PLS1: variants seen among roughly 807,000 people sequenced by gnomAD.
PLS1 encodes plastin-1.
Under a neutral mutation model 73.7 loss-of-function variants are expected in PLS1, and 32 were observed. The ratio of observed to expected loss-of-function variants is 0.43; its 90% CI spans 0.33 to 0.58. The LOEUF is 0.58. PLS1 is among the 20% of genes least tolerant of loss of function. The pLI, the probability that PLS1 is intolerant of heterozygous loss-of-function variation, is 0.04. For synonymous variants in PLS1, 217 were observed against 261.3 expected, an observed-to-expected ratio of 0.83 and a Z score of 1.63; for missense variants, 633 against 740.5, an observed-to-expected ratio of 0.85 and a Z score of 1.68.
intron 9 of PLS1, 104 bp downstream of exon 9, chr3:142,686,480 T>C (rs1412428241): frequency 5.4e-6 from 4 of 739,778 alleles, no homozygotes; most frequent in Non-Finnish European, 9.7e-6. Flanking sequence ...ATTCAGTACA[T>C]TTGCATTGTT....
In PLS1 at chr3:142,694,530, C is replaced by T. The variant is rs1320197496; in HGVS notation, c.1239C>T (p.Tyr413=). 13 of 1,587,432 alleles carry T rather than the reference C, an allele frequency of 8.2e-6. No homozygotes were observed. The Admixed American group carries it at 1.7e-4, about 20-fold the overall frequency. Residue 413 remains tyrosine, a synonymous_variant, in exon 11 of 16, where the codon TAC becomes TAT. Coordinates refer to ENST00000457734, the MANE Select transcript of PLS1 (RefSeq NM_001145319.2). ...NWMNSLGVNP[Y]INHLYSDLAD... is the part of the protein sequence containing the mutation. ...TGAATTCCTTGGGAGTCAACCCATA[C>T]ATTAATCATTTGTACAGGTAAATAT...
chr3:142,598,363 T>C (rs2035849420), intron 1 of PLS1, among the ~76,000 whole-genome samples: 1 of 152,134 alleles, frequency 6.6e-6, no homozygotes, highest in Non-Finnish European at 1.5e-5. Flanking sequence ...ATGTATAGTT[T>C]TGTAAAGAGA....
chr3:142,655,722 CA>C (rs869165571), intron 1 of PLS1, among the ~76,000 whole-genome samples: 13,248 of 65,364 alleles, frequency 0.2, 681 homozygotes, highest in Middle Eastern at 0.31. Flanking sequence ...AATTCCGTCT[CA>C]AAAAAAAAAA....
intron 1 of PLS1, among the ~76,000 whole-genome samples, chr3:142,645,025 T>A (rs1009999616): frequency 2.0e-5 from 3 of 152,346 alleles, no homozygotes; most frequent in Admixed American, 6.5e-5. Context: ...CCTTCCAAAC[T>A]CTAACCCGTT....
At chr3:142,681,036 G>T (rs1023528070) in intron 6 of PLS1, among the ~76,000 whole-genome samples, 5 of 152,106 alleles carry the variant, frequency 3.3e-5, no homozygotes, top group Non-Finnish European at 7.4e-5. Flanking sequence ...CACTAAAATT[G>T]TTGAGTCTTC....
At chr3:142,618,090 C>A (rs764645178) in intron 1 of PLS1, among the ~76,000 whole-genome samples, 5 of 152,182 alleles carry the variant, frequency 3.3e-5, no homozygotes, top group Non-Finnish European at 7.3e-5. Context: ...TATCCCTGCT[C>A]ATCATTATTG....
At chr3:142,645,052 T>TG (rs1234655752) in intron 1 of PLS1, among the ~76,000 whole-genome samples, 1 of 152,228 alleles carries the variant, frequency 6.6e-6, no homozygotes, top group Non-Finnish European at 1.5e-5. Context: ...AATCATTCAG[T>TG]GGTGGCATTC....
chr3:142,642,529 T>G (rs1037647885), intron 1 of PLS1, among the ~76,000 whole-genome samples: 1 of 152,228 alleles, frequency 6.6e-6, no homozygotes, highest in Non-Finnish European at 1.5e-5. Flanking sequence ...TGCTGCTAAA[T>G]TGTGCTACAA....
intron 1 of PLS1, among the ~76,000 whole-genome samples, chr3:142,606,311 C>T (rs370037480): frequency 2.6e-5 from 4 of 152,158 alleles, no homozygotes; most frequent in East Asian, 1.9e-4. Context: ...TGTCCTGAGG[C>T]ATTAAGGGTA....
intron 1 of PLS1, among the ~76,000 whole-genome samples, chr3:142,606,412 A>G (rs898985435): frequency 2.0e-5 from 3 of 152,228 alleles, no homozygotes; most frequent in African/African-American, 7.2e-5. Flanking sequence ...ATAGGATTAA[A>G]TGATGTTTCA....
intron 1 of PLS1, among the ~76,000 whole-genome samples, chr3:142,634,347 A>T (rs2036630929): frequency 6.6e-6 from 1 of 152,216 alleles, no homozygotes; most frequent in Non-Finnish European, 1.5e-5. Context: ...CAAAAGCTAT[A>T]TGAGGAAAAC....
intron 1 of PLS1, among the ~76,000 whole-genome samples, chr3:142,641,900 C>T (rs1388667888): frequency 6.6e-6 from 1 of 152,030 alleles, no homozygotes; most frequent in African/African-American, 2.4e-5. Flanking sequence ...ACTTTACAGA[C>T]AGGACTGCCT....
At chr3:142,601,815 C>T (rs7432464) in intron 1 of PLS1, among the ~76,000 whole-genome samples, 50,507 of 152,034 alleles carry the variant, frequency 0.33, 9,020 homozygotes, top group Middle Eastern at 0.43. Context: ...CTGCACCTGA[C>T]CTACCCTCAT....
intron 2 of PLS1, among the ~76,000 whole-genome samples, chr3:142,668,133 A>G (rs1211862123): frequency 6.6e-6 from 1 of 152,218 alleles, no homozygotes; most frequent in Non-Finnish European, 1.5e-5. Flanking sequence ...GAGCCTATAC[A>G]AGGTGGATCC....
intron 1 of PLS1, among the ~76,000 whole-genome samples, chr3:142,599,064 T>C (rs903637472): frequency 2.0e-5 from 3 of 151,956 alleles, no homozygotes; most frequent in Non-Finnish European, 4.4e-5. Context: ...GATGTAATTG[T>C]CTTATTTCCC....
In PLS1 at chr3:142,694,482, A is replaced by G; in HGVS notation, c.1191A>G (p.Glu397=). ...TGTCTACTCTAGGAGAGAGCAAGGA[A>G]GAGAGAACATTTCGGAACTGGATGA... ...DMNLLEGESK[E]ERTFRNWMNS... The change falls in exon 11 of 16, where the codon GAA becomes GAG. Residue 397 remains glutamate, a synonymous_variant. Transcript: ENST00000457734. 6.2e-7 allele frequency: 1 copy of G among 1,601,414 alleles called. No homozygotes were observed. Among genetic ancestry groups the G allele is most frequent in the Non-Finnish European group, 8.6e-7 (1 of 1,168,660 alleles).
intron 1 of PLS1, among the ~76,000 whole-genome samples, chr3:142,634,749 C>G (rs2036640329): frequency 6.6e-6 from 1 of 152,016 alleles, no homozygotes; most frequent in Admixed American, 6.6e-5. Context: ...GTCCTCAAGG[C>G]AGAAGGAAAT....
chr3:142,707,821 C>T (rs939410210), intron 14 of PLS1, among the ~76,000 whole-genome samples: 10 of 152,080 alleles, frequency 6.6e-5, no homozygotes, highest in African/African-American at 2.4e-4. Flanking sequence ...TATAAATCAG[C>T]TAAGGGGGGA....
chr3:142,663,123 G>A (rs2037406579), intron 1 of PLS1, among the ~76,000 whole-genome samples: 1 of 152,146 alleles, frequency 6.6e-6, no homozygotes, highest in Non-Finnish European at 1.5e-5. Context: ...GCTGAGGCAG[G>A]AGAATCGCTT....
Sources: allele counts gnomAD v4.1 joint callset (sites outside exome capture counted in the v4.1 genomes callset), GRCh38; gene constraint gnomAD v4.1.1; transcripts MANE v1.5; gene names NCBI Gene and HGNC (gene_info 2026-07-23, HGNC 2026-07-21).